The following ELMO1 variants were observed in gnomAD, a reference collection of about 807,000 sequenced individuals.
ELMO1 encodes the protein engulfment and cell motility protein 1.
In ELMO1, 26 loss-of-function variants were observed where a neutral mutation model predicts 98.9. That is an observed-to-expected ratio of 0.26 (90% CI 0.19 to 0.36). The LOEUF is 0.36. Among genes scored for constraint, ELMO1 ranks in the 10% least tolerant of loss-of-function variants. The probability of loss-of-function intolerance (pLI) is 1.00; values close to 1 mark genes in which losing one functional copy is unlikely to be tolerated. For synonymous variants in ELMO1, 346 were observed against 346.0 expected (o/e 1.00, Z 0.00); for missense variants, 627 against 935.2 (o/e 0.67, Z 4.30).
chr7:37,374,136 T>G (rs1045216443), intron 1 of ELMO1, among the ~76,000 whole-genome samples: 6 of 152,154 alleles, frequency 3.9e-5, no homozygotes, highest in African/African-American at 1.4e-4. Flanking sequence ...AGAGCATATT[T>G]AAAATATTTA....
At chr7:36,988,788 C>A (rs550856457) in intron 16 of ELMO1, among the ~76,000 whole-genome samples, 1 of 152,220 alleles carries the variant, frequency 6.6e-6, no homozygotes, top group Admixed American at 6.5e-5. Flanking sequence ...GTGAGAATGA[C>A]TGGGAGGATG....
chr7:37,100,679 C>T (rs771491830), intron 14 of ELMO1, among the ~76,000 whole-genome samples: 5 of 152,212 alleles, frequency 3.3e-5, no homozygotes, highest in Non-Finnish European at 7.3e-5. Context: ...CCTGTGGAGG[C>T]TTCTCTTCCA....
intron 5 of ELMO1, among the ~76,000 whole-genome samples, chr7:37,266,342 T>C (rs138105784): frequency 3.3e-5 from 5 of 152,242 alleles, no homozygotes; most frequent in African/African-American, 1.2e-4. Context: ...ATAATACTAT[T>C]TTTCTTATTG....
chr7:37,205,041 CA>C (rs1792535000), intron 13 of ELMO1, among the ~76,000 whole-genome samples: 1 of 152,164 alleles, frequency 6.6e-6, no homozygotes, highest in Non-Finnish European at 1.5e-5. Context: ...GCTAGACACA[CA>C]ATTCTCCAAG....
intron 1 of ELMO1, among the ~76,000 whole-genome samples, chr7:37,436,626 G>A (rs1327433224): frequency 6.6e-6 from 1 of 152,102 alleles, no homozygotes; most frequent in Non-Finnish European, 1.5e-5. Flanking sequence ...CTGTTTAATG[G>A]GTACATGAGC....
intron 14 of ELMO1, among the ~76,000 whole-genome samples, chr7:37,098,944 A>G (rs1253441354): frequency 6.6e-6 from 1 of 152,220 alleles, no homozygotes; most frequent in Non-Finnish European, 1.5e-5. Context: ...TGTATTTCAC[A>G]TTAACATTCT....
In ELMO1 at chr7:37,216,673, T is replaced by C. The variant is rs754300674; in HGVS notation, c.803A>G (p.Gln268Arg). ...RRQEMANILA[Q>R]KQLRSIILTH... The stretch of plus-strand genomic sequence containing the variant: ...TAAAATGATGGAACGCAGTTGCTTC[T>C]GAGCCAAAATATTCGCCATCTCCTG... Residue 268 changes from glutamine (Q) to arginine (R), a missense_variant, in exon 11 of 22, where the codon CAG (glutamine) becomes CGG (arginine). Gln to Arg is a conservative substitution (Grantham distance 43). Around this residue, in one of 3 missense-constraint regions of ELMO1, gnomAD observed 492 missense variants for 715.6 expected, o/e 0.69. Coordinates refer to ENST00000310758, the MANE Select transcript of ELMO1 (RefSeq NM_014800.11). The C allele has an allele frequency of 9.9e-6, 16 of 1,614,016 alleles. No homozygotes were observed. The highest frequency in any genetic ancestry group is 1.4e-5 in the Non-Finnish European group (16 of 1,180,008).
intron 16 of ELMO1, among the ~76,000 whole-genome samples, chr7:36,967,191 T>C (rs1435795600): frequency 1.3e-5 from 2 of 152,208 alleles, no homozygotes; most frequent in African/African-American, 2.4e-5. Flanking sequence ...AAGAAATACA[T>C]GCTCTAGGCC....
At chr7:37,122,850 C>G (rs1786172662) in intron 14 of ELMO1, among the ~76,000 whole-genome samples, 1 of 152,244 alleles carries the variant, frequency 6.6e-6, no homozygotes, top group African/African-American at 2.4e-5. Flanking sequence ...CAGCACCACA[C>G]CACACCTAGT....
intron 16 of ELMO1, among the ~76,000 whole-genome samples, chr7:36,969,227 C>T (rs1789707334): frequency 6.6e-6 from 1 of 151,892 alleles, no homozygotes; most frequent in East Asian, 1.9e-4. Flanking sequence ...GACATGCCAT[C>T]ACAGCTATAT....
chr7:37,030,497 A>G (rs1794820880), intron 15 of ELMO1, among the ~76,000 whole-genome samples: 1 of 152,190 alleles, frequency 6.6e-6, no homozygotes, highest in African/African-American at 2.4e-5. Context: ...AATATAACGT[A>G]CAATAAGATA....
intron 1 of ELMO1, among the ~76,000 whole-genome samples, chr7:37,419,272 T>C (rs1804367222): frequency 6.6e-6 from 1 of 152,104 alleles, no homozygotes; most frequent in Admixed American, 6.5e-5. Flanking sequence ...GAGAAGAAAG[T>C]AGTATTTTTT....
chr7:36,993,797 C>G (rs1260981220), intron 16 of ELMO1, among the ~76,000 whole-genome samples: 3 of 152,200 alleles, frequency 2.0e-5, no homozygotes, highest in African/African-American at 7.2e-5. Context: ...TCCCTACCCC[C>G]ACCAAGTCAT....
intron 4 of ELMO1, among the ~76,000 whole-genome samples, chr7:37,312,789 C>G (rs561947917): frequency 6.6e-6 from 1 of 152,326 alleles, no homozygotes; most frequent in South Asian, 2.1e-4. Context: ...CACGACTCAA[C>G]AGCTTTTTTA....
At chr7:37,121,934 C>G (rs1239742266) in intron 14 of ELMO1, among the ~76,000 whole-genome samples, 1 of 152,232 alleles carries the variant, frequency 6.6e-6, no homozygotes, top group Non-Finnish European at 1.5e-5. Flanking sequence ...AACAGCTGAT[C>G]TCTCGGCAGA....
intron 15 of ELMO1, among the ~76,000 whole-genome samples, chr7:37,055,006 A>C (rs968575906): frequency 1.3e-5 from 2 of 152,232 alleles, no homozygotes; most frequent in Non-Finnish European, 2.9e-5. Flanking sequence ...AATAGCACTG[A>C]GCATATTCCA....
chr7:37,001,233 T>C (rs899714403), intron 16 of ELMO1, among the ~76,000 whole-genome samples: 1 of 152,212 alleles, frequency 6.6e-6, no homozygotes, highest in African/African-American at 2.4e-5. Flanking sequence ...AAGAAAATTC[T>C]TTATTGTGTG....
chr7:37,240,520 T>C lies in ELMO1; in HGVS notation c.449+3836A>G, dbSNP rs1025081223. ...TGGTTAGTATTCTTATTATTCTTTT[T>C]TTCTACTTAATTCACATTTTTTAAA... On this transcript the variant is annotated intron_variant, in intron 7 of 21. Transcript: ENST00000310758. Among the ~76,000 whole-genome samples, 3 of 152,294 alleles carry C rather than the reference T, an allele frequency of 2.0e-5. No homozygotes were observed. The South Asian group carries it at 6.2e-4, about 32-fold the overall frequency.
intron 1 of ELMO1, among the ~76,000 whole-genome samples, chr7:37,427,562 A>G (rs148572682): frequency 1.9e-3 from 297 of 152,342 alleles, no homozygotes; most frequent in African/African-American, 6.8e-3. Flanking sequence ...AAATAAAATG[A>G]CTCAGGATGA....
Sources: allele counts gnomAD v4.1 joint callset (sites outside exome capture counted in the v4.1 genomes callset), GRCh38; gene constraint gnomAD v4.1.1; regional missense constraint gnomAD v4.1.1; transcripts MANE v1.5; gene names NCBI Gene and HGNC (gene_info 2026-07-23, HGNC 2026-07-21).